Variants in ATRNL1 observed in about 807,000 individuals in gnomAD.
ATRNL1 encodes the protein attractin like 1.
Under a neutral mutation model 182.7 loss-of-function variants are expected in ATRNL1, and 95 were observed. The ratio of observed to expected loss-of-function variants is 0.52; its 90% CI spans 0.44 to 0.62. The LOEUF (loss-of-function observed/expected upper bound fraction) is 0.62. ATRNL1 is among the 20% of genes least tolerant of loss of function. The probability of loss-of-function intolerance (pLI) is 0.00; values close to 1 mark genes in which losing one functional copy is unlikely to be tolerated. For synonymous variants in ATRNL1, 576 were observed against 568.3 expected, an observed-to-expected ratio of 1.01 and a Z score of -0.19; for missense variants, 1,471 against 1,679.5, an observed-to-expected ratio of 0.88 and a Z score of 2.17.
chr10:115,171,194 ATAT>A lies in ATRNL1; in HGVS notation c.1254_1256del (p.Ile418del), dbSNP rs1191768607. On this transcript the variant is annotated inframe_deletion, in exon 8 of 29. Coordinates refer to ENST00000355044, the MANE Select transcript of ATRNL1 (RefSeq NM_207303.4). Reference sequence around the variant, plus strand: ...TATGCTGTGGAGGGACATTCAGCACATATTATGGAGTTGGATAGTAGAGATGTT... The same window carrying A: ...TATGCTGTGGAGGGACATTCAGCACATATGGAGTTGGATAGTAGAGATGTT... 4 of 1,611,386 alleles carry A rather than the reference ATAT, an allele frequency of 2.5e-6. No homozygotes were observed. Among genetic ancestry groups the A allele is most frequent in the Non-Finnish European group, 3.4e-6 (4 of 1,178,206 alleles).
chr10:115,433,670 C>G (rs1431335638), intron 21 of ATRNL1, among the ~76,000 whole-genome samples: 2 of 151,830 alleles, frequency 1.3e-5, no homozygotes, highest in African/African-American at 4.8e-5. Context: ...ACTATTTACT[C>G]CTTTAGCATA....
intron 27 of ATRNL1, among the ~76,000 whole-genome samples, chr10:115,769,537 T>C (rs1318176671): frequency 1.3e-5 from 2 of 152,140 alleles, no homozygotes; most frequent in South Asian, 2.1e-4. Flanking sequence ...TTACATGCAT[T>C]TACCATGGTG....
intron 25 of ATRNL1, among the ~76,000 whole-genome samples, chr10:115,525,891 C>A (rs1851188035): frequency 6.6e-6 from 1 of 152,130 alleles, no homozygotes; most frequent in Admixed American, 6.5e-5. Flanking sequence ...TCCATGGCTC[C>A]TGCCAGTACG....
intron 25 of ATRNL1, among the ~76,000 whole-genome samples, chr10:115,530,659 G>C (rs915215622): frequency 6.6e-6 from 1 of 151,908 alleles, no homozygotes; most frequent in Non-Finnish European, 1.5e-5. Context: ...TTAAGTTTTA[G>C]GGTACACGTG....
chr10:115,896,667 G>C (rs182420325), intron 28 of ATRNL1, among the ~76,000 whole-genome samples: 45 of 152,112 alleles, frequency 3.0e-4, no homozygotes, highest in Non-Finnish European at 2.9e-5. Flanking sequence ...AAAGAATACA[G>C]AAATAGATTC....
At chr10:115,291,171 C>G (rs1215521598) in intron 15 of ATRNL1, among the ~76,000 whole-genome samples, 7 of 152,314 alleles carry the variant, frequency 4.6e-5, no homozygotes, top group African/African-American at 1.4e-4. Context: ...TCAGGACTCT[C>G]TTACCCTCAC....
Position 115,265,222 on chromosome 10 carries a change from C to G in ATRNL1, c.1717C>G (p.Pro573Ala). 1 of 1,607,916 alleles carries G rather than the reference C, an allele frequency of 6.2e-7. No homozygotes were observed. The highest frequency in any genetic ancestry group is 8.5e-7 in the Non-Finnish European group (1 of 1,176,396). The change falls in exon 11 of 29, where the codon CCA becomes GCA. Residue 573 changes from proline (P) to alanine (A), a missense_variant. By Grantham distance (27) the Pro-to-Ala change is conservative. Around this residue, in one of 3 missense-constraint regions of ATRNL1, gnomAD observed 1,031 missense variants for 1,156.0 expected, o/e 0.89. Transcript: ENST00000355044. Reference sequence around the variant, plus strand: ...TGATGAATGGAAAATACTACCAAAACCAAATCTTCATAGAGATGTCAACAG... The same window carrying G: ...TGATGAATGGAAAATACTACCAAAAGCAAATCTTCATAGAGATGTCAACAG... ...ACDEWKILPK[P>A]NLHRDVNRFG...
intron 1 of ATRNL1, among the ~76,000 whole-genome samples, chr10:115,116,016 T>A (rs1172002636): frequency 6.6e-6 from 1 of 152,064 alleles, no homozygotes; most frequent in Non-Finnish European, 1.5e-5. Flanking sequence ...GTGGCAGGCA[T>A]CTAGACAAGT....
At chr10:115,517,559 T>A (rs892662625) in intron 24 of ATRNL1, among the ~76,000 whole-genome samples, 3 of 151,856 alleles carry the variant, frequency 2.0e-5, no homozygotes, top group African/African-American at 7.2e-5. Flanking sequence ...TGTTTATTAT[T>A]TTATTTGTTA....
At chr10:115,283,490 G>A (rs1269201743) in intron 14 of ATRNL1, among the ~76,000 whole-genome samples, 4 of 152,046 alleles carry the variant, frequency 2.6e-5, no homozygotes, top group Admixed American at 2.0e-4. Context: ...TTACATACTG[G>A]CCCTTAAAGC....
intron 17 of ATRNL1, among the ~76,000 whole-genome samples, chr10:115,312,252 C>T (rs1422653167): frequency 6.6e-6 from 1 of 152,082 alleles, no homozygotes. Context: ...ATTGACCTTT[C>T]ATTTTAAGAT....
At chr10:115,917,052 C>G (rs930490693) in intron 28 of ATRNL1, among the ~76,000 whole-genome samples, 1 of 152,192 alleles carries the variant, frequency 6.6e-6, no homozygotes, top group Non-Finnish European at 1.5e-5. Flanking sequence ...CAGTCCAAAT[C>G]AGAAATGTGG....
intron 28 of ATRNL1, among the ~76,000 whole-genome samples, chr10:115,916,365 A>G (rs544842976): frequency 6.6e-6 from 1 of 152,368 alleles, no homozygotes; most frequent in South Asian, 2.1e-4. Flanking sequence ...TGTTCCACAC[A>G]TCAAGTCAAG....
intron 5 of ATRNL1, among the ~76,000 whole-genome samples, chr10:115,149,192 G>C (rs1225482904): frequency 6.6e-6 from 1 of 152,116 alleles, no homozygotes; most frequent in African/African-American, 2.4e-5. Context: ...TTCCTGGCCA[G>C]TGTAGACGCC....
chr10:115,442,672 G>A (rs1450500570), intron 21 of ATRNL1, among the ~76,000 whole-genome samples: 3 of 152,018 alleles, frequency 2.0e-5, no homozygotes, highest in Non-Finnish European at 4.4e-5. Context: ...TCTGTGGGCA[G>A]TAATTTGTAA....
chr10:115,751,068 C>T (rs1948434584), intron 27 of ATRNL1, among the ~76,000 whole-genome samples: 1 of 151,994 alleles, frequency 6.6e-6, no homozygotes, highest in Non-Finnish European at 1.5e-5. Context: ...GAAGATTATC[C>T]TGGATTACTC....
At chr10:115,610,446 C>T (rs1555018663) in intron 26 of ATRNL1, among the ~76,000 whole-genome samples, 2 of 152,092 alleles carry the variant, frequency 1.3e-5, no homozygotes, top group African/African-American at 4.8e-5. Flanking sequence ...TGAGTCAGTG[C>T]CTTATCAAGA....
In ATRNL1 at chr10:115,245,227, G is replaced by A. The variant is rs2256693; in HGVS notation, c.1687+3502G>A. Among the ~76,000 whole-genome samples the A allele has an allele frequency of 8.9e-3, 1,359 of 152,010 alleles. 19 individuals carry two copies. The highest frequency in any genetic ancestry group is 0.031 in the African/African-American group (1,300 of 41,462). On this transcript the variant is annotated intron_variant, in intron 10 of 28. Transcript: ENST00000355044. Reference sequence around the variant, plus strand: ...AAAGATCACTTAACTGGCCGGGCACGGTGGCTGACTCCTGTAATCCCACCA... The same window carrying A: ...AAAGATCACTTAACTGGCCGGGCACAGTGGCTGACTCCTGTAATCCCACCA...
chr10:115,109,592 C>T (rs562033803), intron 1 of ATRNL1, among the ~76,000 whole-genome samples: 27 of 152,186 alleles, frequency 1.8e-4, no homozygotes, highest in African/African-American at 4.3e-4. Flanking sequence ...ACTGTTGTAT[C>T]GGGGATTAAG....
Sources: allele counts gnomAD v4.1 joint callset (sites outside exome capture counted in the v4.1 genomes callset), GRCh38; gene constraint gnomAD v4.1.1; regional missense constraint gnomAD v4.1.1; transcripts MANE v1.5; gene names NCBI Gene and HGNC (gene_info 2026-07-23, HGNC 2026-07-21).